Variants in DMRTB1 observed in about 807,000 individuals in gnomAD.
DMRTB1 encodes the protein doublesex- and mab-3-related transcription factor B1.
Under a neutral mutation model 25.2 loss-of-function variants are expected in DMRTB1, and 9 were observed. The observed-to-expected ratio is 0.36, with a 90% CI of 0.22 to 0.62. DMRTB1 has a LOEUF of 0.62. Among genes scored for constraint, DMRTB1 ranks in the 20% least tolerant of loss-of-function variants. The pLI is 0.71. For missense variants in DMRTB1, 551 were observed against 499.3 expected (o/e 1.10, Z -0.99); for synonymous variants, 269 against 238.1 (o/e 1.13, Z -1.20).
At chr1:53,462,934 C>T (rs1210903357) in intron 2 of DMRTB1, among the ~76,000 whole-genome samples, 3 of 152,372 alleles carry the variant, frequency 2.0e-5, no homozygotes, top group East Asian at 1.9e-4. Flanking sequence ...AAGTAAAGCA[C>T]GTTCCGTCTG....
intron 2 of DMRTB1, among the ~76,000 whole-genome samples, chr1:53,464,376 T>G (rs1285310775): frequency 1.3e-5 from 2 of 152,226 alleles, no homozygotes; most frequent in Non-Finnish European, 2.9e-5. Flanking sequence ...ACAATCGCCC[T>G]GGCATATACA....
At position 53,463,516 on chromosome 1, in the gene DMRTB1, T is replaced by C. The variant is rs556888001; in HGVS notation, c.751-1121T>C. On this transcript the variant is annotated intron_variant, in intron 2 of 3. Coordinates refer to ENST00000371445, the MANE Select transcript of DMRTB1 (RefSeq NM_033067.3). Reference sequence around the variant, plus strand: ...GGGCTCCTGAGAATAGATAAGGCGATGCATGTAAAATACCTAGCACAGGGT... The same window carrying C: ...GGGCTCCTGAGAATAGATAAGGCGACGCATGTAAAATACCTAGCACAGGGT... Among the ~76,000 whole-genome samples the C allele has an allele frequency of 2.6e-5, 4 of 152,326 alleles. No individual in the cohort carries two copies. The East Asian group carries it at 7.7e-4, about 29-fold the overall frequency.
intron 2 of DMRTB1, among the ~76,000 whole-genome samples, chr1:53,462,632 C>T (rs927013813): frequency 9.9e-5 from 15 of 152,066 alleles, no homozygotes; most frequent in East Asian, 1.9e-4. Flanking sequence ...ATTGTAGCAT[C>T]GAGAAAAAAA....
chr1:53,465,325 G>A (rs981893221), intron 3 of DMRTB1, among the ~76,000 whole-genome samples: 1 of 151,676 alleles, frequency 6.6e-6, no homozygotes, highest in African/African-American at 2.4e-5. Flanking sequence ...CACTCTGAGG[G>A]AACCAGACCA....
intron 3 of DMRTB1, 71 bp from the exon 4 acceptor site, chr1:53,466,524 T>C: frequency 2.1e-6 from 3 of 1,420,104 alleles, no homozygotes; most frequent in South Asian, 1.2e-5. Flanking sequence ...AAAAAGAAAA[T>C]CTTCATCTGC....
At chr1:53,464,498 A>C in intron 2 of DMRTB1, 139 bp from the exon 3 acceptor site, 1 of 1,364,584 alleles carries the variant, frequency 7.3e-7, no homozygotes, top group Non-Finnish European at 1.0e-6. Flanking sequence ...CCCCCTTCCA[A>C]ATGCCCTGTG....
intron 1 of DMRTB1, chr1:53,460,292 C>G (rs1162351750): frequency 1.4e-5 from 6 of 419,786 alleles, no homozygotes; most frequent in Non-Finnish European, 1.6e-5. Flanking sequence ...CATGCAAGAA[C>G]AAAATGGCGT....
chr1:53,461,500 G>T lies in DMRTB1; in HGVS notation c.605G>T (p.Arg202Leu), dbSNP rs182273822. The T allele has an allele frequency of 1.5e-5, 24 of 1,606,118 alleles. No homozygotes were observed. The highest frequency in any genetic ancestry group is 2.0e-5 in the Non-Finnish European group (24 of 1,176,082). The change falls in exon 2 of 4, where the codon CGT (arginine) becomes CTT (leucine). Residue 202 changes from arginine (R) to leucine (L), a missense_variant. Transcript: ENST00000371445. The stretch of plus-strand genomic sequence containing the variant: ...CGCCCTCTGAACATCAACCCGGACC[G>T]TGCACTGGGCCCTGAGTACCCTGGT... ...FVRPLNINPDRALGPEYPGGS... is the reference protein window; with the variant it reads ...FVRPLNINPDLALGPEYPGGS...
intron 2 of DMRTB1, among the ~76,000 whole-genome samples, chr1:53,463,326 C>T (rs552031275): frequency 2.8e-4 from 42 of 152,292 alleles, no homozygotes; most frequent in African/African-American, 9.1e-4. Context: ...TTCCTCTGCC[C>T]TCCTGTTCAC....
At position 53,462,602 on chromosome 1, in the gene DMRTB1, C is replaced by T. The variant is rs558487417; in HGVS notation, c.750+957C>T. Among the ~76,000 whole-genome samples, 3 of 152,308 alleles carry T rather than the reference C, an allele frequency of 2.0e-5. No homozygotes were observed. The East Asian group carries it at 5.8e-4, about 29-fold the overall frequency. Reference sequence around the variant, plus strand: ...AATTCCAGGGTGTCTATTGAACCTTCAAGGCAGGTATTATACCCCATTGTA... The same window carrying T: ...AATTCCAGGGTGTCTATTGAACCTTTAAGGCAGGTATTATACCCCATTGTA... On this transcript the variant is annotated intron_variant, in intron 2 of 3. Transcript: ENST00000371445.
In DMRTB1 at chr1:53,459,790, G is replaced by T; in HGVS notation, c.337G>T (p.Gly113Cys). The T allele has an allele frequency of 7.1e-7, 1 of 1,402,148 alleles. No individual in the cohort carries two copies. The highest frequency in any genetic ancestry group is 9.2e-7 in the Non-Finnish European group (1 of 1,082,392). 86.9% of individuals were successfully genotyped at this position (1,402,148 alleles called of 1,614,324 possible). Reference protein sequence around the residue: ...PSGDADPGPEGRAAACFFEQP... With the variant: ...PSGDADPGPECRAAACFFEQP... ...CGGAGACGCCGACCCGGGACCCGAG[G>T]GCCGCGCGGCCGCTTGCTTCTTCGA... Residue 113 changes from glycine to cysteine, a missense_variant, in exon 1 of 4, where the codon GGC (glycine) becomes TGC (cysteine). Transcript: ENST00000371445.
Position 53,466,768 on chromosome 1 carries a change from C to A in DMRTB1, c.*106C>A. 1 of 1,127,092 alleles carries A rather than the reference C, an allele frequency of 8.9e-7. No homozygotes were observed. The highest frequency in any genetic ancestry group is 1.3e-6 in the Non-Finnish European group (1 of 757,104). The allele number at this position is 1,127,092 out of a possible 1,614,324, so 69.8% of individuals were successfully genotyped here. On this transcript the variant is annotated 3_prime_UTR_variant, in exon 4 of 4. Coordinates refer to ENST00000371445, the MANE Select transcript of DMRTB1 (RefSeq NM_033067.3). ...ATGTAGGGAGGAAGGAGGTTGATAG[C>A]ATAGATGGCAACTGATTCCCAGTTT...
chr1:53,464,624 G>A lies in DMRTB1; in HGVS notation c.751-13G>A, dbSNP rs748875770. 6.2e-7 allele frequency: 1 copy of A among 1,613,018 alleles called. No individual in the cohort carries two copies. The highest frequency in any genetic ancestry group is 1.1e-5 in the South Asian group (1 of 91,038). On this transcript the variant is annotated splice_polypyrimidine_tract_variant and intron_variant, in intron 2 of 3. Coordinates refer to ENST00000371445, the MANE Select transcript of DMRTB1 (RefSeq NM_033067.3). Reference sequence around the variant, plus strand: ...TCTCTCCTCTCCGCCTCTCTGCTGTGTGTGCCGTGCAGGTGTCAGAACCAG... The same window carrying A: ...TCTCTCCTCTCCGCCTCTCTGCTGTATGTGCCGTGCAGGTGTCAGAACCAG...
chr1:53,462,100 A>C (rs553218787), intron 2 of DMRTB1, among the ~76,000 whole-genome samples: 1 of 152,332 alleles, frequency 6.6e-6, no homozygotes, highest in African/African-American at 2.4e-5. Flanking sequence ...ATTTGAGCGG[A>C]GTCATGAAAA....
Position 53,459,927 on chromosome 1 carries a change from G to A in DMRTB1, c.474G>A (p.Ala158=). Residue 158 remains alanine, a synonymous_variant, in exon 1 of 4, where the codon GCG becomes GCA. Transcript: ENST00000371445. Reference sequence around the variant, plus strand: ...CCGCCGTGGCGATGCCCAGCCTTGCGGGACCCCCTTTTGGGGCGGAGGCCG... The same window carrying A: ...CCGCCGTGGCGATGCCCAGCCTTGCAGGACCCCCTTTTGGGGCGGAGGCCG... The part of the protein sequence containing the change: ...ERAAVAMPSL[A]GPPFGAEAAG... 1.9e-6 allele frequency: 3 copies of A among 1,560,426 alleles called. No homozygotes were observed. Among genetic ancestry groups the A allele is most frequent in the Admixed American group, 1.8e-5 (1 of 56,650 alleles).
Position 53,459,726 on chromosome 1 carries a change from G to C in DMRTB1, c.273G>C (p.Pro91=), listed in dbSNP as rs1235306740. Residue 91 remains proline (P), a synonymous_variant, in exon 1 of 4, where the codon CCG becomes CCC. Transcript: ENST00000371445. The part of the protein sequence containing the change: ...AAAAPAPVPV[P]AASLRPLSPG... Reference sequence around the variant, plus strand: ...CCGCCCCCGCCCCCGTCCCCGTCCCGGCCGCGAGCCTCCGCCCGCTGTCCC... The same window carrying C: ...CCGCCCCCGCCCCCGTCCCCGTCCCCGCCGCGAGCCTCCGCCCGCTGTCCC... 7 of 1,304,550 alleles carry C rather than the reference G, an allele frequency of 5.4e-6. No homozygotes were observed. Among genetic ancestry groups the C allele is most frequent in the African/African-American group, 1.6e-5 (1 of 62,370 alleles). 80.8% of individuals were successfully genotyped at this position (1,304,550 alleles called of 1,614,324 possible). A position where few individuals can be genotyped will look rare whatever the true frequency, so the allele number is the denominator to read the frequency against.
At position 53,464,712 on chromosome 1, in the gene DMRTB1, C is replaced by T. The variant is rs769757100; in HGVS notation, c.826C>T (p.Pro276Ser). Reference protein sequence around the residue: ...PPPPPLPPLPPLPPQPQFLPP... With the variant: ...PPPPPLPPLPSLPPQPQFLPP... Reference sequence around the variant, plus strand: ...GCCGCCGCCACTGCCGCCCCTTCCACCGCTTCCACCGCAGCCCCAGTTCCT... The same window carrying T: ...GCCGCCGCCACTGCCGCCCCTTCCATCGCTTCCACCGCAGCCCCAGTTCCT... The change falls in exon 3 of 4, where the codon CCG becomes TCG. Residue 276 changes from proline to serine, a missense_variant. By Grantham distance (74) the Pro-to-Ser change is moderately conservative. Coordinates refer to ENST00000371445, the MANE Select transcript of DMRTB1 (RefSeq NM_033067.3). 1 of 1,613,582 alleles carries T rather than the reference C, an allele frequency of 6.2e-7. No individual in the cohort carries two copies. The highest frequency in any genetic ancestry group is 8.5e-7 in the Non-Finnish European group (1 of 1,179,740).
rs370154421 is a variant in DMRTB1, at chr1:53,459,561, C to T, written c.108C>T (p.Leu36=). The T allele has an allele frequency of 9.9e-6, 16 of 1,610,764 alleles. No individual in the cohort carries two copies. The Admixed American group carries it at 1.8e-4, about 19-fold the overall frequency. ...GCAAATGCCGCTGGAAGCAGTGCCT[C>T]TGCGAGAAGTGCTACCTGATCTCCG... The part of the protein sequence containing the change: ...HAGKCRWKQC[L]CEKCYLISER... The change falls in exon 1 of 4, where the codon CTC becomes CTT. Residue 36 remains leucine (L), a synonymous_variant. Transcript: ENST00000371445.
rs1026618415 is a variant in DMRTB1, at chr1:53,459,672, G to A, written c.219G>A (p.Gly73=). ...EEQEAALCAQ[G]PKQASGAAAA... ...AGGAGGCGGCCCTGTGTGCGCAGGG[G>A]CCCAAGCAGGCCTCCGGGGCTGCGG... The change falls in exon 1 of 4, where the codon GGG becomes GGA. Residue 73 remains glycine (G), a synonymous_variant. Coordinates refer to ENST00000371445, the MANE Select transcript of DMRTB1 (RefSeq NM_033067.3). 15 of 1,541,354 alleles carry A rather than the reference G, an allele frequency of 9.7e-6. No individual in the cohort carries two copies. The East Asian group carries it at 9.9e-5, about 10-fold the overall frequency.
Sources: gnomAD v4.1 joint callset for allele counts (sites outside exome capture counted in the v4.1 genomes callset) on GRCh38, gnomAD v4.1.1 for gene constraint, MANE v1.5 for transcripts, NCBI Gene and HGNC (gene_info 2026-07-23, HGNC 2026-07-21) for gene names.